Variants in GAPVD1 observed in about 807,000 individuals in gnomAD.
GAPVD1 encodes GTPase-activating protein and VPS9 domain-containing protein 1.
A neutral mutation model predicts 155.5 loss-of-function variants in GAPVD1; 35 were observed. The observed-to-expected ratio is 0.23, with a 90% CI of 0.17 to 0.30. The LOEUF (loss-of-function observed/expected upper bound fraction) is 0.30. GAPVD1 is among the 10% of genes least tolerant of loss of function. The pLI is 1.00. For missense variants in GAPVD1, 1,429 were observed against 1,775.7 expected (o/e 0.80, Z 3.51); for synonymous variants, 636 against 619.7 (o/e 1.03, Z -0.39).
At chr9:125,293,855 TATATATATATATATATATA>T (rs1564310944) in intron 2 of GAPVD1, among the ~76,000 whole-genome samples, 10 of 4,228 alleles carry the variant, frequency 2.4e-3, no homozygotes, top group South Asian at 0.019. Context: ...ATATATTTTA[TATATATATATATATATATA>T]TATATATATA....
intron 2 of GAPVD1, among the ~76,000 whole-genome samples, chr9:125,270,258 G>A (rs529839527): frequency 6.6e-6 from 1 of 151,672 alleles, no homozygotes; most frequent in African/African-American, 2.4e-5. Flanking sequence ...GAGAAACCCC[G>A]TCTCTACTAA....
At chr9:125,323,708 AGTT>A (rs1564392896) in intron 10 of GAPVD1, 87 bp from the exon 11 acceptor site, 19 of 1,204,610 alleles carry the variant, frequency 1.6e-5, no homozygotes, top group Non-Finnish European at 2.1e-5. Flanking sequence ...CACTTTAATC[AGTT>A]GTTAGTCTTT....
intron 8 of GAPVD1, among the ~76,000 whole-genome samples, chr9:125,309,707 A>AT (rs1031613751): frequency 7.9e-5 from 12 of 151,992 alleles, no homozygotes; most frequent in East Asian, 3.9e-4. Context: ...TAAATCAGAG[A>AT]TTTTTTCTCC....
intron 25 of GAPVD1, among the ~76,000 whole-genome samples, chr9:125,358,856 G>A (rs1850502181): frequency 1.3e-5 from 2 of 152,182 alleles, no homozygotes; most frequent in South Asian, 4.1e-4. Flanking sequence ...GCATTTCTGT[G>A]GGGTTTATAG....
intron 2 of GAPVD1, among the ~76,000 whole-genome samples, chr9:125,272,398 A>G (rs1307291508): frequency 6.6e-6 from 1 of 152,168 alleles, no homozygotes; most frequent in South Asian, 2.1e-4. Context: ...TCTAACTTTG[A>G]TTCCTCTAAA....
intron 2 of GAPVD1, among the ~76,000 whole-genome samples, chr9:125,287,273 C>T (rs1417572315): frequency 1.3e-5 from 2 of 152,130 alleles, no homozygotes; most frequent in African/African-American, 4.8e-5. Flanking sequence ...CGCAGTGGCT[C>T]ATGCCTGTAA....
chr9:125,358,900 C>T (rs1850507122), intron 25 of GAPVD1, among the ~76,000 whole-genome samples: 1 of 152,208 alleles, frequency 6.6e-6, no homozygotes, highest in African/African-American at 2.4e-5. Context: ...TTGGAAGGAA[C>T]ACGAGCAGCC....
intron 17 of GAPVD1, among the ~76,000 whole-genome samples, chr9:125,338,953 GTGTGTA>G (rs1023845172): frequency 1.3e-5 from 2 of 149,146 alleles, no homozygotes; most frequent in Admixed American, 6.7e-5. Context: ...GTGTGTGTGT[GTGTGTA>G]TATATATTTT....
chr9:125,328,188 C>CT (rs1243246612), intron 12 of GAPVD1, among the ~76,000 whole-genome samples: 6,201 of 110,902 alleles, frequency 0.056, 282 homozygotes, highest in East Asian at 0.27. Flanking sequence ...AAATAGATTT[C>CT]TTTTTTTTTT....
At chr9:125,331,877 G>C in intron 13 of GAPVD1, 49 bp from the exon 14 acceptor site, 1 of 1,580,948 alleles carries the variant, frequency 6.3e-7, no homozygotes, top group Non-Finnish European at 8.7e-7. Context: ...TGAAATTGTG[G>C]TGTGCTAAGA....
chr9:125,366,585 G>C lies in GAPVD1; in HGVS notation c.*3839G>C, dbSNP rs1051899645. On this transcript the variant is annotated 3_prime_UTR_variant, in exon 28 of 28. Coordinates refer to ENST00000297933, the MANE Select transcript of GAPVD1 (RefSeq NM_001282680.3). ...TAAGTCTAGTGAGTTTATTTTGTAC[G>C]CAATTGCTTTAATTTTAAGGGAAGT... 4 of 152,124 alleles carry C rather than the reference G, an allele frequency of 2.6e-5. No homozygotes were observed. Among genetic ancestry groups the C allele is most frequent in the South Asian group, 2.1e-4 (1 of 4,806 alleles). The allele number at this position is 152,124 out of a possible 1,614,324, so 9.4% of individuals were successfully genotyped here.
intron 5 of GAPVD1, among the ~76,000 whole-genome samples, chr9:125,304,497 G>A (rs1330224960): frequency 6.6e-6 from 1 of 152,158 alleles, no homozygotes; most frequent in African/African-American, 2.4e-5. Context: ...CAGATATTAA[G>A]AAGAGGATGT....
chr9:125,339,397 T>C (rs1016367072), intron 17 of GAPVD1, among the ~76,000 whole-genome samples: 5 of 152,366 alleles, frequency 3.3e-5, no homozygotes, highest in Admixed American at 6.5e-5. Context: ...CTGAGTTCTT[T>C]TGATGCACTG....
At position 125,307,872 on chromosome 9, in the gene GAPVD1, T is replaced by C. The variant is rs780633434; in HGVS notation, c.1433T>C (p.Leu478Ser). ...ATTPANKKNR[L>S]PIATRSRSRT... ...ACTCCAGCAAATAAAAAGAATCGAT[T>C]ACCTATAGGTAAAGAGAATTTCTCG... The change falls in exon 8 of 28, where the codon TTA (leucine) becomes TCA (serine). Residue 478 changes from leucine to serine, a missense_variant. Coordinates refer to ENST00000297933, the MANE Select transcript of GAPVD1 (RefSeq NM_001282680.3). The C allele has an allele frequency of 1.9e-6, 3 of 1,558,968 alleles. No individual in the cohort carries two copies. In the South Asian group the frequency reaches 3.3e-5, roughly 17 times the overall value.
intron 2 of GAPVD1, among the ~76,000 whole-genome samples, chr9:125,290,994 T>TAAA (rs35661152): frequency 1.0e-4 from 12 of 115,390 alleles, no homozygotes; most frequent in Non-Finnish European, 1.5e-4. Context: ...TGTCTCAAAG[T>TAAA]AAAAAAAAAA....
intron 23 of GAPVD1, among the ~76,000 whole-genome samples, chr9:125,353,275 A>G (rs1269824500): frequency 6.6e-6 from 1 of 152,240 alleles, no homozygotes; most frequent in African/African-American, 2.4e-5. Context: ...TTGCTAAAAC[A>G]TAACAAGAGT....
chr9:125,301,675 C>T (rs1464937093), intron 4 of GAPVD1, among the ~76,000 whole-genome samples: 1 of 152,034 alleles, frequency 6.6e-6, no homozygotes, highest in Non-Finnish European at 1.5e-5. Context: ...GTCTCGACCT[C>T]CTGGCCTCAA....
At chr9:125,362,505 G>T in intron 27 of GAPVD1, 101 bp from the exon 28 acceptor site, 3 of 936,620 alleles carry the variant, frequency 3.2e-6, no homozygotes, top group Non-Finnish European at 4.8e-6. Context: ...CAAAAGGATT[G>T]GTATGTCTTT....
At chr9:125,293,848 T>TA (rs1839159908) in intron 2 of GAPVD1, among the ~76,000 whole-genome samples, 1 of 49,182 alleles carries the variant, frequency 2.0e-5, no homozygotes, top group Non-Finnish European at 3.3e-5. Flanking sequence ...TATAAAAATA[T>TA]ATTTTATATA....
Sources: allele counts gnomAD v4.1 joint callset (sites outside exome capture counted in the v4.1 genomes callset), GRCh38; gene constraint gnomAD v4.1.1; transcripts MANE v1.5; gene names NCBI Gene and HGNC (gene_info 2026-07-23, HGNC 2026-07-21).